The following CUBN variants were observed in gnomAD, a reference collection of about 807,000 sequenced individuals.
The protein encoded by CUBN is 460 kDa receptor.
A neutral mutation model predicts 405.3 loss-of-function variants in CUBN; 282 were observed. The observed-to-expected ratio is 0.70, with a 90% CI of 0.63 to 0.77. The LOEUF is 0.77. Ranked by LOEUF, CUBN falls within the 30% of genes least tolerant of loss-of-function variation. CUBN has a pLI of 0.00. For missense variants in CUBN, 4,514 were observed against 4,475.2 expected (o/e 1.01, Z -0.25); for synonymous variants, 1,684 against 1,617.0 (o/e 1.04, Z -0.99).
chr10:16,963,187 CTTTTTTTTCTT>C (rs1202995487), intron 31 of CUBN, among the ~76,000 whole-genome samples: 4 of 84,382 alleles, frequency 4.7e-5, no homozygotes, highest in African/African-American at 1.9e-4. Flanking sequence ...CTTTTCTTTT[CTTTTTTTTCTT>C]TTTTTTTTTT....
chr10:17,076,156 A>G (rs533707071), intron 17 of CUBN, among the ~76,000 whole-genome samples: 1 of 152,306 alleles, frequency 6.6e-6, no homozygotes, highest in Middle Eastern at 3.4e-3. Context: ...CCTGGGCCCC[A>G]ACTAATGAAA....
chr10:17,005,186 A>G (rs1833983549), intron 28 of CUBN, among the ~76,000 whole-genome samples: 1 of 152,110 alleles, frequency 6.6e-6, no homozygotes, highest in Non-Finnish European at 1.5e-5. Flanking sequence ...GATGTTTCCT[A>G]TCAGTTGGTT....
Position 17,111,068 on chromosome 10 carries a change from T to C in CUBN, c.884-18A>G. ...TTGCCAGCCTAGGAAAACAAGAGGA[T>C]TTAAAAGTTTAGCTCTATAGACAAG... On this transcript the variant is annotated intron_variant, in intron 8 of 66. Transcript: ENST00000377833. 3 of 1,613,964 alleles carry C rather than the reference T, an allele frequency of 1.9e-6. No individual in the cohort carries two copies. Among genetic ancestry groups the C allele is most frequent in the Non-Finnish European group, 2.5e-6 (3 of 1,179,924 alleles).
At chr10:17,048,451 C>T (rs768432586) in intron 22 of CUBN, among the ~76,000 whole-genome samples, 3 of 151,934 alleles carry the variant, frequency 2.0e-5, no homozygotes, top group Non-Finnish European at 4.4e-5. Context: ...AAATATTTTA[C>T]AAAGAAAATC....
intron 14 of CUBN, among the ~76,000 whole-genome samples, chr10:17,092,080 A>C (rs1836269818): frequency 6.6e-6 from 1 of 152,154 alleles, no homozygotes. Flanking sequence ...GGCAAACCCC[A>C]CAGGGACGAT....
Position 16,838,849 on chromosome 10 carries a change from C to T in CUBN, c.10032+1481G>A, listed in dbSNP as rs187542225. ...TCAGTAGAGGCAGGGTTTCACCACACTGGCCAGGCTGATCTTGAACTCCTG... is the reference window on the plus strand; with the variant it reads ...TCAGTAGAGGCAGGGTTTCACCACATTGGCCAGGCTGATCTTGAACTCCTG... On this transcript the variant is annotated intron_variant, in intron 62 of 66. Coordinates refer to ENST00000377833, the MANE Select transcript of CUBN (RefSeq NM_001081.4). Among the ~76,000 whole-genome samples, 543 of 152,300 alleles carry T rather than the reference C, an allele frequency of 3.6e-3. 7 individuals are homozygous for T. Among genetic ancestry groups the T allele is most frequent in the African/African-American group, 0.012 (509 of 41,562 alleles).
chr10:16,961,537 G>A (rs1286906746), intron 31 of CUBN, among the ~76,000 whole-genome samples: 3 of 152,134 alleles, frequency 2.0e-5, no homozygotes, highest in Non-Finnish European at 4.4e-5. Flanking sequence ...CTGGAGGCCT[G>A]TGATCATAGT....
intron 57 of CUBN, among the ~76,000 whole-genome samples, chr10:16,875,269 T>C (rs903709738): frequency 1.3e-5 from 2 of 152,148 alleles, no homozygotes; most frequent in Non-Finnish European, 2.9e-5. Context: ...TTATCCACAA[T>C]ATAAAGTGAT....
chr10:16,833,327 C>T (rs561429488), intron 64 of CUBN, among the ~76,000 whole-genome samples: 192 of 152,312 alleles, frequency 1.3e-3, no homozygotes, highest in Middle Eastern at 3.4e-3. Flanking sequence ...CTGTATTTGC[C>T]TCTTCATTTC....
chr10:16,833,995 A>G (rs569190327), intron 64 of CUBN, among the ~76,000 whole-genome samples: 2 of 152,368 alleles, frequency 1.3e-5, no homozygotes, highest in African/African-American at 4.8e-5. Context: ...AGAGACGGTC[A>G]GGATGAGGTT....
chr10:17,047,693 C>G (rs1255039515), intron 22 of CUBN, 90 bp from the exon 23 acceptor site: 15 of 1,226,850 alleles, frequency 1.2e-5, no homozygotes, highest in Non-Finnish European at 1.8e-5. Context: ...TTAATTTGTG[C>G]CTATACTTGA....
intron 31 of CUBN, among the ~76,000 whole-genome samples, chr10:16,958,456 G>A (rs1196334405): frequency 5.3e-5 from 8 of 152,100 alleles, no homozygotes; most frequent in Admixed American, 3.9e-4. Flanking sequence ...AACCCAGGAG[G>A]CAGAGGTTGC....
At chr10:16,967,439 C>T (rs1400088811) in intron 31 of CUBN, among the ~76,000 whole-genome samples, 4 of 152,198 alleles carry the variant, frequency 2.6e-5, no homozygotes, top group African/African-American at 7.2e-5. Flanking sequence ...AAACCAAACC[C>T]GTGTCCACAG....
At chr10:16,959,620 C>T (rs1206257390) in intron 31 of CUBN, among the ~76,000 whole-genome samples, 1 of 150,746 alleles carries the variant, frequency 6.6e-6, no homozygotes, top group African/African-American at 2.4e-5. Context: ...AAGAGCAAAA[C>T]TCCGTCTCAA....
rs59957943 is a variant in CUBN, at chr10:17,083,516, A to AATAAATAAATAAATACATAC, written c.2301+754_2301+755insGTATGTATTTATTTATTTAT. Among the ~76,000 whole-genome samples the AATAAATAAATAAATACATAC allele has an allele frequency of 2.0e-3, 284 of 142,722 alleles. 2 individuals carry two copies. The highest frequency in any genetic ancestry group is 7.1e-3 in the African/African-American group (266 of 37,544). The allele number at this position is 142,722 out of a possible 152,430, so 93.6% of individuals were successfully genotyped here. ...GCGAAACTCCGTCTCAAAATAAATA[A>AATAAATAAATAAATACATAC]ATACATACATACATACATACATACA... is the stretch of plus-strand genomic sequence containing the variant. On this transcript the variant is annotated intron_variant, in intron 17 of 66. Transcript: ENST00000377833.
intron 31 of CUBN, among the ~76,000 whole-genome samples, chr10:16,961,815 C>A (rs181461997): frequency 0.034 from 5,039 of 146,314 alleles, 283 homozygotes; most frequent in African/African-American, 0.12. Context: ...GGGTTCACGC[C>A]ATTCTCCTGC....
At chr10:17,017,851 C>T (rs750634943) in intron 28 of CUBN, among the ~76,000 whole-genome samples, 12 of 151,970 alleles carry the variant, frequency 7.9e-5, no homozygotes, top group East Asian at 3.9e-4. Flanking sequence ...AGAAGAGAGG[C>T]GAGAGGAAAT....
chr10:17,068,426 T>C (rs1835661735), intron 20 of CUBN, 146 bp from the exon 21 acceptor site: 9 of 967,178 alleles, frequency 9.3e-6, no homozygotes, highest in East Asian at 2.6e-5. Context: ...TTTTCTCTTA[T>C]TAATAAGTAA....
intron 56 of CUBN, among the ~76,000 whole-genome samples, chr10:16,886,827 C>T (rs1331694579): frequency 1.3e-5 from 2 of 152,180 alleles, no homozygotes; most frequent in Non-Finnish European, 2.9e-5. Context: ...TCGCTCTTGT[C>T]GCCCAGGCTG....
Sources: gnomAD v4.1 joint callset for allele counts (sites outside exome capture counted in the v4.1 genomes callset) on GRCh38, gnomAD v4.1.1 for gene constraint, MANE v1.5 for transcripts, NCBI Gene and HGNC (gene_info 2026-07-23, HGNC 2026-07-21) for gene names.